Variants in TRAK1 observed in about 807,000 individuals in gnomAD.
TRAK1 encodes the protein trafficking kinesin-binding protein 1.
In TRAK1, 33 loss-of-function variants were observed where a neutral mutation model predicts 92.1. The ratio of observed to expected loss-of-function variants is 0.36; its 90% confidence interval spans 0.27 to 0.48. The LOEUF (loss-of-function observed/expected upper bound fraction) is 0.48. Ranked by LOEUF, TRAK1 falls within the 20% of genes least tolerant of loss-of-function variation. The pLI is 0.99. For missense variants in TRAK1, 1,123 were observed against 1,257.9 expected, an observed-to-expected ratio of 0.89 and a Z score of 1.62; for synonymous variants, 521 against 517.3, an observed-to-expected ratio of 1.01 and a Z score of -0.10.
At chr3:42,120,732 C>T (rs1709741855) in intron 1 of TRAK1, among the ~76,000 whole-genome samples, 1 of 152,012 alleles carries the variant, frequency 6.6e-6, no homozygotes, top group South Asian at 2.1e-4. Context: ...ATTTTTAGTA[C>T]AGACGGGGTT....
intron 1 of TRAK1, among the ~76,000 whole-genome samples, chr3:42,109,306 A>G (rs544343304): frequency 5.9e-5 from 9 of 152,338 alleles, no homozygotes; most frequent in African/African-American, 2.2e-4. Context: ...GCATAACTCC[A>G]TCAAACCCAA....
At chr3:42,019,231 C>T (rs946644388) in intron 1 of TRAK1, among the ~76,000 whole-genome samples, 7 of 152,106 alleles carry the variant, frequency 4.6e-5, no homozygotes, top group Non-Finnish European at 7.4e-5. Flanking sequence ...TACAGAACCA[C>T]GGGATTTTAG....
intron 2 of TRAK1, among the ~76,000 whole-genome samples, chr3:42,162,227 A>G (rs923967947): frequency 6.6e-6 from 1 of 152,166 alleles, no homozygotes; most frequent in African/African-American, 2.4e-5. Context: ...AAGAGAGGAA[A>G]AAAATTTGTG....
intron 2 of TRAK1, among the ~76,000 whole-genome samples, chr3:42,163,295 G>T (rs547682973): frequency 2.4e-3 from 358 of 152,288 alleles, no homozygotes; most frequent in African/African-American, 8.1e-3. Context: ...TGGAGGCCAG[G>T]CATGGTGGCT....
At chr3:42,150,492 T>C (rs1342561602) in intron 2 of TRAK1, among the ~76,000 whole-genome samples, 1 of 152,108 alleles carries the variant, frequency 6.6e-6, no homozygotes, top group Non-Finnish European at 1.5e-5. Context: ...ATATATACAC[T>C]TTGAGGGTCT....
intron 2 of TRAK1, among the ~76,000 whole-genome samples, chr3:42,173,181 G>T (rs1240736945): frequency 1.3e-5 from 2 of 152,112 alleles, no homozygotes; most frequent in Non-Finnish European, 2.9e-5. Context: ...AGAGGTTTAT[G>T]GTGGCTCCTT....
At chr3:42,060,468 A>G (rs1703384616) in intron 1 of TRAK1, among the ~76,000 whole-genome samples, 1 of 152,052 alleles carries the variant, frequency 6.6e-6, no homozygotes. Context: ...ACTGTGGGAC[A>G]GGAGAGTAAT....
chr3:42,025,042 G>A (rs958024325), intron 1 of TRAK1, among the ~76,000 whole-genome samples: 1 of 152,162 alleles, frequency 6.6e-6, no homozygotes, highest in Non-Finnish European at 1.5e-5. Flanking sequence ...ATGCTAGAGA[G>A]CTTTTAAAAG....
chr3:42,069,363 G>A (rs960818619), intron 1 of TRAK1, among the ~76,000 whole-genome samples: 1 of 151,472 alleles, frequency 6.6e-6, no homozygotes, highest in African/African-American at 2.4e-5. Context: ...GGGTCGGATG[G>A]TGCAGTGGTG....
intron 1 of TRAK1, among the ~76,000 whole-genome samples, chr3:42,118,643 G>A (rs1470671660): frequency 6.6e-6 from 1 of 152,188 alleles, no homozygotes; most frequent in African/African-American, 2.4e-5. Flanking sequence ...CACCTTCCAG[G>A]TGCCAAGCAG....
chr3:42,097,657 AT>A (rs1255390869), intron 1 of TRAK1, among the ~76,000 whole-genome samples: 1 of 152,122 alleles, frequency 6.6e-6, no homozygotes, highest in African/African-American at 2.4e-5. Flanking sequence ...TTTATATCCT[AT>A]TTTTATACTT....
chr3:42,191,678 C>T, intron 7 of TRAK1, 42 bp downstream of exon 7: 1 of 1,559,156 alleles, frequency 6.4e-7, no homozygotes, highest in Non-Finnish European at 8.7e-7. Flanking sequence ...CTTGCATCTG[C>T]TGTCATGATT....
intron 1 of TRAK1, among the ~76,000 whole-genome samples, chr3:42,028,919 C>T (rs1702013440): frequency 6.6e-6 from 1 of 151,960 alleles, no homozygotes; most frequent in Non-Finnish European, 1.5e-5. Context: ...AAATAAATAC[C>T]TAGGATTGGG....
At position 42,202,004 on chromosome 3, in the gene TRAK1, G is replaced by C. The variant is rs1261819518; in HGVS notation, c.1428-432G>C. Reference sequence around the variant, plus strand: ...TCTTCCGGACCAGTTGGAACAGACAGACAGGAAGCTCCTTGATCAGAGCAG... The same window carrying C: ...TCTTCCGGACCAGTTGGAACAGACACACAGGAAGCTCCTTGATCAGAGCAG... On this transcript the variant is annotated intron_variant, in intron 12 of 15. Coordinates refer to ENST00000327628, the MANE Select transcript of TRAK1 (RefSeq NM_001042646.3). This position sits in a 1 kb window ranked among gnomAD's most constrained non-coding sequence, Gnocchi z 6.1. Among the ~76,000 whole-genome samples the C allele has an allele frequency of 6.6e-6, 1 of 151,988 alleles. No individual in the cohort carries two copies. Among genetic ancestry groups the C allele is most frequent in the Non-Finnish European group, 1.5e-5 (1 of 68,018 alleles).
At position 42,223,074 on chromosome 3, in the gene TRAK1, C is replaced by T. The variant is rs1710517597; in HGVS notation, c.2199C>T (p.Thr733=). 1.9e-6 allele frequency: 3 copies of T among 1,614,026 alleles called. No homozygotes were observed. The highest frequency in any genetic ancestry group is 1.7e-5 in the Admixed American group (1 of 60,018). The part of the protein sequence containing the change: ...SFTNTRESTT[T]MSTSLGLVWL... The stretch of plus-strand genomic sequence containing the variant: ...CTAACACCCGTGAGTCCACGACCAC[C>T]ATGAGCACATCCCTGGGGCTCGTGT... Residue 733 remains threonine, a synonymous_variant, in exon 16 of 16, where the codon ACC becomes ACT. Coordinates refer to ENST00000327628, the MANE Select transcript of TRAK1 (RefSeq NM_001042646.3). The surrounding 1 kb of genome is among the most constrained non-coding windows in gnomAD (Gnocchi z 6.1).
At chr3:42,093,521 G>A (rs896459087) in intron 1 of TRAK1, among the ~76,000 whole-genome samples, 4 of 151,328 alleles carry the variant, frequency 2.6e-5, no homozygotes, top group African/African-American at 9.7e-5. Flanking sequence ...GTGATTTTGG[G>A]GCCATAGTTC....
At chr3:42,030,174 C>T (rs1231413872) in intron 1 of TRAK1, among the ~76,000 whole-genome samples, 6 of 151,998 alleles carry the variant, frequency 3.9e-5, no homozygotes, top group African/African-American at 1.2e-4. Context: ...TGGTTCACAC[C>T]TATAATCCCA....
chr3:42,092,711 GTGTTATGTTA>G (rs71078412), intron 1 of TRAK1, among the ~76,000 whole-genome samples: 184 of 101,068 alleles, frequency 1.8e-3, no homozygotes, highest in East Asian at 6.9e-3. Context: ...GTGTTGTGTT[GTGTTATGTTA>G]TGTTATGTTA....
chr3:42,094,261 T>G (rs993514644), intron 1 of TRAK1, among the ~76,000 whole-genome samples: 1 of 152,196 alleles, frequency 6.6e-6, no homozygotes, highest in Non-Finnish European at 1.5e-5. Flanking sequence ...CTGGGACTCA[T>G]GGCCCCAGGG....
Sources: allele counts gnomAD v4.1 joint callset (sites outside exome capture counted in the v4.1 genomes callset), GRCh38; gene constraint gnomAD v4.1.1; non-coding constraint Gnocchi (gnomAD v3.1); transcripts MANE v1.5; gene names NCBI Gene and HGNC (gene_info 2026-07-23, HGNC 2026-07-21).